KIAA0930: variants seen among roughly 807,000 people sequenced by gnomAD.
KIAA0930 encodes uncharacterized protein KIAA0930.
KIAA0930 carries 24 observed loss-of-function variants against 43.9 expected under a neutral mutation model. The observed-to-expected ratio is 0.55, with a 90% CI of 0.40 to 0.77. KIAA0930 has a LOEUF of 0.77. Ranked by LOEUF, KIAA0930 falls within the 30% of genes least tolerant of loss-of-function variation. KIAA0930 has a pLI of 0.00. For missense variants in KIAA0930, 461 were observed against 574.2 expected (o/e 0.80, Z 2.02); for synonymous variants, 259 against 216.4 (o/e 1.20, Z -1.73).
chr22:45,221,614 T>A (rs1385938178), intron 1 of KIAA0930, among the ~76,000 whole-genome samples: 1 of 152,258 alleles, frequency 6.6e-6, no homozygotes, highest in Non-Finnish European at 1.5e-5. Flanking sequence ...GCTAATTGAA[T>A]AAATGAATTA....
chr22:45,223,752 A>C (rs1033701641), intron 1 of KIAA0930, among the ~76,000 whole-genome samples: 123 of 120,890 alleles, frequency 1.0e-3, no homozygotes, highest in Middle Eastern at 5.1e-3. Flanking sequence ...CAGCACTGAG[A>C]CAGCACCCAG....
chr22:45,212,174 C>A (rs765837522), intron 1 of KIAA0930, 67 bp from the exon 2 acceptor site: 32 of 1,613,454 alleles, frequency 2.0e-5, no homozygotes, highest in Non-Finnish European at 2.5e-5. Context: ...ATGGCCTTGG[C>A]CAAGCTGCGC....
chr22:45,204,070 T>C (rs2083614649), intron 5 of KIAA0930, 85 bp from the exon 6 acceptor site: 16 of 1,572,698 alleles, frequency 1.0e-5, no homozygotes, highest in Non-Finnish European at 1.3e-5. Flanking sequence ...CAGGGAGGGC[T>C]GCTCAGAAAA....
At chr22:45,237,126 C>T (rs2083892637) in intron 1 of KIAA0930, among the ~76,000 whole-genome samples, 1 of 152,254 alleles carries the variant, frequency 6.6e-6, no homozygotes, top group Non-Finnish European at 1.5e-5. Context: ...GGGTTTGTCC[C>T]CCTTCAGTCC....
intron 1 of KIAA0930, among the ~76,000 whole-genome samples, chr22:45,225,245 C>G (rs2083791494): frequency 6.6e-6 from 1 of 152,132 alleles, no homozygotes; most frequent in Admixed American, 6.5e-5. Context: ...AGCTGAGGGC[C>G]TCCCTCCCTC....
At chr22:45,210,233 G>A (rs1569076545) in intron 2 of KIAA0930, among the ~76,000 whole-genome samples, 2 of 152,046 alleles carry the variant, frequency 1.3e-5, no homozygotes. Context: ...TCTGCAACCT[G>A]AACTCCAGCA....
At chr22:45,212,153 G>A (rs969410519) in intron 1 of KIAA0930, 46 bp from the exon 2 acceptor site, 2 of 1,613,416 alleles carry the variant, frequency 1.2e-6, no homozygotes, top group African/African-American at 1.3e-5. Flanking sequence ...GGCCACCCTG[G>A]CCCTTGCAGC....
intron 2 of KIAA0930, among the ~76,000 whole-genome samples, chr22:45,206,529 G>A (rs2083639468): frequency 6.6e-6 from 1 of 152,200 alleles, no homozygotes; most frequent in African/African-American, 2.4e-5. Context: ...GGACGGCGGG[G>A]TCTGGGCTAC....
intron 1 of KIAA0930, chr22:45,226,390 G>A (rs1190401518): frequency 2.1e-6 from 1 of 465,472 alleles, no homozygotes. Context: ...GGTCCTAGGG[G>A]ACAAAGGGGA....
At chr22:45,205,188 T>G (rs1476600979) in intron 5 of KIAA0930, 29 bp downstream of exon 5, 1 of 1,557,650 alleles carries the variant, frequency 6.4e-7, no homozygotes, top group African/African-American at 1.4e-5. Context: ...AAGGGGAAGC[T>G]AAGGAGAGAG....
intron 1 of KIAA0930, among the ~76,000 whole-genome samples, chr22:45,217,191 T>C (rs1269701405): frequency 1.3e-5 from 2 of 151,636 alleles, no homozygotes; most frequent in South Asian, 2.1e-4. Flanking sequence ...CAAAACCCCA[T>C]CTCTACTAAA....
chr22:45,196,867 TCCGCTCTCTCTCATGG>T lies in KIAA0930; in HGVS notation c.*293_*308del. Reference sequence around the variant, plus strand: ...CCCGCTCTGGGCATCAGCTGCTCCTTCCGCTCTCTCTCATGGCCGCTCGGCATCTCTAGTCCTCTTT... The same window carrying T: ...CCCGCTCTGGGCATCAGCTGCTCCTTCCGCTCGGCATCTCTAGTCCTCTTT... On this transcript the variant is annotated 3_prime_UTR_variant, in exon 10 of 10. Transcript: ENST00000336156. The surrounding 1 kb of genome is among the most constrained non-coding windows in gnomAD (Gnocchi z 4.1). 2.7e-6 allele frequency: 1 copy of T among 373,814 alleles called. No individual in the cohort carries two copies. The highest frequency in any genetic ancestry group is 4.8e-6 in the Non-Finnish European group (1 of 207,980). 23.2% of individuals were successfully genotyped at this position (373,814 alleles called of 1,614,324 possible).
intron 1 of KIAA0930, among the ~76,000 whole-genome samples, chr22:45,234,245 G>A (rs1035540398): frequency 6.6e-6 from 1 of 152,184 alleles, no homozygotes; most frequent in Non-Finnish European, 1.5e-5. Flanking sequence ...GAGCTGGCCT[G>A]GCCTGTGCTC....
chr22:45,240,167 A>G (rs112041242), intron 1 of KIAA0930, among the ~76,000 whole-genome samples: 3 of 152,332 alleles, frequency 2.0e-5, no homozygotes, highest in African/African-American at 4.8e-5. Context: ...GGCTTCGGGT[A>G]GCAGGAGACA....
At chr22:45,204,327 G>C (rs905881768) in intron 5 of KIAA0930, among the ~76,000 whole-genome samples, 38 of 152,188 alleles carry the variant, frequency 2.5e-4, no homozygotes, top group African/African-American at 8.9e-4. Flanking sequence ...CCACATCTTT[G>C]AGGCTCCTGT....
intron 1 of KIAA0930, chr22:45,235,410 G>A (rs550066437): frequency 1.3e-5 from 2 of 152,332 alleles, no homozygotes; most frequent in Admixed American, 6.5e-5. Context: ...TCCCAGGAAC[G>A]GGTAGAGGCC....
intron 8 of KIAA0930, among the ~76,000 whole-genome samples, chr22:45,199,128 G>A (rs2083563330): frequency 6.6e-6 from 1 of 152,180 alleles, no homozygotes. Context: ...CACAGAGACT[G>A]CTGAGTGGCA....
At position 45,193,289 on chromosome 22, in the gene KIAA0930, C is replaced by T. The variant is rs2083506146; in HGVS notation, c.*3887G>A. 1 of 149,630 alleles carries T rather than the reference C, an allele frequency of 6.7e-6. No homozygotes were observed. The highest frequency in any genetic ancestry group is 1.9e-4 in the East Asian group (1 of 5,202). The allele number at this position is 149,630 out of a possible 1,614,324, so 9.3% of individuals were successfully genotyped here. ...ACGTCAGTGAAACCTGTTAAGTTCGCTAAAAAGTTGGCAGATGTTTCGTAT... is the reference window on the plus strand; with the variant it reads ...ACGTCAGTGAAACCTGTTAAGTTCGTTAAAAAGTTGGCAGATGTTTCGTAT... On this transcript the variant is annotated 3_prime_UTR_variant, in exon 10 of 10. Transcript: ENST00000336156.
At chr22:45,205,178 A>G (rs2083625192) in intron 5 of KIAA0930, 39 bp downstream of exon 5, 1 of 1,514,792 alleles carries the variant, frequency 6.6e-7, no homozygotes, top group African/African-American at 1.4e-5. Context: ...ATCTCACGAG[A>G]AGGGGAAGCT....
Sources: gnomAD v4.1 joint callset for allele counts (sites outside exome capture counted in the v4.1 genomes callset) on GRCh38, gnomAD v4.1.1 for gene constraint, Gnocchi (gnomAD v3.1) non-coding constraint, MANE v1.5 for transcripts, NCBI Gene and HGNC (gene_info 2026-07-23, HGNC 2026-07-21) for gene names.